SPRR2G: variants seen among roughly 807,000 people sequenced by gnomAD.
SPRR2G encodes the protein small proline rich protein 2G.
A neutral mutation model predicts 0.7 loss-of-function variants in SPRR2G; 1 was observed. The ratio of observed to expected loss-of-function variants is 1.49; its 90% CI spans 0.53 to 7.06. SPRR2G has a LOEUF of 7.06. Among genes scored for constraint, SPRR2G ranks in the 30% most tolerant of loss-of-function variants. The pLI is 0.14. For missense variants in SPRR2G, 96 were observed against 88.5 expected (o/e 1.09, Z -0.34); for synonymous variants, 38 against 33.9 (o/e 1.12, Z -0.42).
the SPRR2G span, among the ~76,000 whole-genome samples, chr1:153,193,575 G>A: frequency 2.0e-5 from 3 of 152,188 alleles, no homozygotes; most frequent in East Asian, 1.9e-4. Flanking sequence ...GCTAGAGGTG[G>A]TGTGAGTTAA....
At chr1:153,185,536 T>C in the SPRR2G span, among the ~76,000 whole-genome samples, 1 of 152,302 alleles carries the variant, frequency 6.6e-6, no homozygotes, top group South Asian at 2.1e-4. Context: ...GATGGTAGTT[T>C]GTATTTCTGA....
At chr1:153,201,323 G>A in the SPRR2G span, among the ~76,000 whole-genome samples, 3 of 152,222 alleles carry the variant, frequency 2.0e-5, no homozygotes, top group Non-Finnish European at 2.9e-5. Flanking sequence ...AAAGTCCAGT[G>A]ACTGATATAC....
At chr1:153,189,255 G>T in the SPRR2G span, among the ~76,000 whole-genome samples, 1 of 151,984 alleles carries the variant, frequency 6.6e-6, no homozygotes. Flanking sequence ...TGTAACATAT[G>T]CTTAAATATA....
At chr1:153,182,956 C>T in the SPRR2G span, among the ~76,000 whole-genome samples, 15 of 152,012 alleles carry the variant, frequency 9.9e-5, no homozygotes, top group African/African-American at 3.6e-4. Context: ...TGAGGAATTC[C>T]TGCATTGTCT....
At chr1:153,183,068 CTTT>C in the SPRR2G span, among the ~76,000 whole-genome samples, 1 of 138,886 alleles carries the variant, frequency 7.2e-6, no homozygotes. Flanking sequence ...CTTTTTTTTT[CTTT>C]TTTTTTTTTG....
chr1:153,183,970 T>C, the SPRR2G span, among the ~76,000 whole-genome samples: 1 of 152,246 alleles, frequency 6.6e-6, no homozygotes, highest in African/African-American at 2.4e-5. Context: ...TTTTATTAAA[T>C]AGGGAATTCC....
the SPRR2G span, among the ~76,000 whole-genome samples, chr1:153,196,767 G>T: frequency 1.3e-5 from 2 of 152,204 alleles, no homozygotes; most frequent in Non-Finnish European, 2.9e-5. Context: ...AAGAGATCTC[G>T]CTTTGTGCCC....
At chr1:153,198,824 A>G in the SPRR2G span, among the ~76,000 whole-genome samples, 2 of 152,170 alleles carry the variant, frequency 1.3e-5, no homozygotes, top group Non-Finnish European at 2.9e-5. Flanking sequence ...GGGATTCTCT[A>G]TGCAGAGCTG....
chr1:153,196,959 C>T, the SPRR2G span, among the ~76,000 whole-genome samples: 1 of 152,116 alleles, frequency 6.6e-6, no homozygotes, highest in Non-Finnish European at 1.5e-5. Flanking sequence ...GAGGAGCCCT[C>T]AGGTAAAATG....
At chr1:153,174,718 C>T in the SPRR2G span, 3 of 152,204 alleles carry the variant, frequency 2.0e-5, no homozygotes, top group Non-Finnish European at 4.4e-5. Context: ...TACATAGTGA[C>T]AGTGTGCAAA....
the SPRR2G span, among the ~76,000 whole-genome samples, chr1:153,194,600 T>C: frequency 6.6e-5 from 10 of 152,208 alleles, no homozygotes; most frequent in African/African-American, 2.4e-4. Flanking sequence ...CCTCCAAACT[T>C]TTCCTTCCTC....
chr1:153,192,366 TCTC>T, the SPRR2G span, among the ~76,000 whole-genome samples: 1 of 152,098 alleles, frequency 6.6e-6, no homozygotes, highest in Non-Finnish European at 1.5e-5. Flanking sequence ...ATATCCCAGT[TCTC>T]CTCCCACCAG....
the SPRR2G span, among the ~76,000 whole-genome samples, chr1:153,199,465 A>G: frequency 6.6e-5 from 10 of 152,198 alleles, no homozygotes; most frequent in Admixed American, 4.6e-4. Context: ...AGCCATAAGC[A>G]CCTGCCAAGC....
At chr1:153,167,367 G>A in the SPRR2G span, among the ~76,000 whole-genome samples, 1 of 152,138 alleles carries the variant, frequency 6.6e-6, no homozygotes, top group East Asian at 1.9e-4. Flanking sequence ...CCAGCTACTC[G>A]GGAGGCTGAA....
the SPRR2G span, among the ~76,000 whole-genome samples, chr1:153,177,930 A>G: frequency 6.6e-6 from 1 of 151,764 alleles, no homozygotes; most frequent in Non-Finnish European, 1.5e-5. Flanking sequence ...TCAATTTAAG[A>G]GGACTGATAC....
At chr1:153,154,520 T>C (rs1656541794), upstream of SPRR2G, among the ~76,000 whole-genome samples, 1 of 152,132 alleles carries the variant, frequency 6.6e-6, no homozygotes, top group Admixed American at 6.6e-5. Flanking sequence ...ATTGCTGATT[T>C]AATCTCCTTA....
At chr1:153,162,053 T>C in the SPRR2G span, among the ~76,000 whole-genome samples, 76 of 152,296 alleles carry the variant, frequency 5.0e-4, no homozygotes, top group Non-Finnish European at 4.4e-5. Flanking sequence ...AGGTTTGTTA[T>C]ATAGGTAAAC....
At chr1:153,197,911 C>T in the SPRR2G span, among the ~76,000 whole-genome samples, 1 of 152,106 alleles carries the variant, frequency 6.6e-6, no homozygotes, top group Non-Finnish European at 1.5e-5. Flanking sequence ...ATTGCCTGGC[C>T]AACATGTGCC....
At chr1:153,175,706 T>C in the SPRR2G span, among the ~76,000 whole-genome samples, 1 of 152,240 alleles carries the variant, frequency 6.6e-6, no homozygotes, top group Admixed American at 6.5e-5. Flanking sequence ...ATGTCTGTTA[T>C]CCTTGCTGAA....
Sources: allele counts gnomAD v4.1 joint callset (sites outside exome capture counted in the v4.1 genomes callset), GRCh38; gene constraint gnomAD v4.1.1; transcripts MANE v1.5; gene names NCBI Gene and HGNC (gene_info 2026-07-23, HGNC 2026-07-21).